Variants in C1orf122 observed in about 807,000 individuals in gnomAD.
C1orf122 encodes the protein uncharacterized protein C1orf122.
In C1orf122, 12 loss-of-function variants were observed where a neutral mutation model predicts 12.9. That is an observed-to-expected ratio of 0.93 (90% CI 0.60 to 1.51). The LOEUF (loss-of-function observed/expected upper bound fraction) is 1.51. Among genes scored for constraint, C1orf122 ranks in the 40% most tolerant of loss-of-function variants. The probability of loss-of-function intolerance (pLI) is 0.00; values close to 1 mark genes in which losing one functional copy is unlikely to be tolerated. For missense variants in C1orf122, 144 were observed against 162.1 expected, an observed-to-expected ratio of 0.89 and a Z score of 0.61; for synonymous variants, 57 against 73.4, an observed-to-expected ratio of 0.78 and a Z score of 1.14.
chr1:37,809,190 C>T lies in C1orf122; in HGVS notation c.*117C>T, dbSNP rs776848768. ...CACTGGCAGTGGCTGGTACTTGGCT[C>T]TCAGCCTGGAGTGGCAGCTCTGCTA... is the stretch of plus-strand genomic sequence containing the variant. On this transcript the variant is annotated 3_prime_UTR_variant, in exon 3 of 3. Coordinates refer to ENST00000373042, the MANE Select transcript of C1orf122 (RefSeq NM_198446.3). 2.2e-5 allele frequency: 27 copies of T among 1,245,812 alleles called. No homozygotes were observed. Among genetic ancestry groups the T allele is most frequent in the South Asian group, 1.6e-4 (13 of 83,244 alleles). The allele number at this position is 1,245,812 out of a possible 1,614,324, so 77.2% of individuals were successfully genotyped here.
rs1646751740 is a variant in C1orf122 at position 37,807,860 on chromosome 1, G to C, written c.-545G>C. On this transcript the variant is annotated 5_prime_UTR_variant, in exon 1 of 3. Coordinates refer to ENST00000373042, the MANE Select transcript of C1orf122 (RefSeq NM_198446.3). ...TGGCCTCGCTGCGACCCTTGAGGCG[G>C]TACACAGCGCGCAGAGCCGCCGAGC... The C allele has an allele frequency of 6.7e-7, 1 of 1,491,324 alleles. No homozygotes were observed. Among genetic ancestry groups the C allele is most frequent in the Non-Finnish European group, 8.9e-7 (1 of 1,123,004 alleles). The allele number at this position is 1,491,324 out of a possible 1,614,324, so 92.4% of individuals were successfully genotyped here.
In C1orf122 at chr1:37,809,356, T is replaced by G; in HGVS notation, c.*283T>G. ...GAGTGGTCTGGCCTGCTATGGGGGA[T>G]CCAGGTGGTGTTACATGTCCATTTC... On this transcript the variant is annotated 3_prime_UTR_variant, in exon 3 of 3. Coordinates refer to ENST00000373042, the MANE Select transcript of C1orf122 (RefSeq NM_198446.3). 2.0e-6 allele frequency: 1 copy of G among 502,508 alleles called. No homozygotes were observed. The highest frequency in any genetic ancestry group is 3.7e-6 in the Non-Finnish European group (1 of 273,802). The allele number at this position is 502,508 out of a possible 1,614,324, so 31.1% of individuals were successfully genotyped here.
Position 37,808,686 on chromosome 1 carries a change from T to C in C1orf122, c.191T>C (p.Met64Thr). The C allele has an allele frequency of 1.4e-6, 2 of 1,428,130 alleles. No homozygotes were observed. The highest frequency in any genetic ancestry group is 1.5e-5 in the South Asian group (1 of 66,076). 88.5% of individuals were successfully genotyped at this position (1,428,130 alleles called of 1,614,324 possible). The change falls in exon 2 of 3, where the codon ATG (methionine) becomes ACG (threonine). Residue 64 changes from methionine (M) to threonine (T), a missense_variant. By Grantham distance (81) the Met-to-Thr change is moderately conservative. Transcript: ENST00000373042. ...GACACCATCGCAGCCTGCGAGGAGA[T>C]GTTACGGCAGCTGGGCCGCCGGCGC... ...LLDTIAACEE[M>T]LRQLGRRRPE...
At chr1:37,808,940 C>G (rs1646765211) in intron 2 of C1orf122, 38 bp from the exon 3 acceptor site, 1 of 1,595,730 alleles carries the variant, frequency 6.3e-7, no homozygotes, top group Non-Finnish European at 8.6e-7. Context: ...CAAGGCCTTG[C>G]CTCCCAGCCT....
chr1:37,809,065 G>A lies in C1orf122; in HGVS notation c.325G>A (p.Glu109Lys). Residue 109 changes from glutamate (E) to lysine (K), a missense_variant, in exon 3 of 3, where the codon GAG becomes AAG. Physicochemically the swap from Glu to Lys is moderately conservative, Grantham distance 56 (BLOSUM62 1). Coordinates refer to ENST00000373042, the MANE Select transcript of C1orf122 (RefSeq NM_198446.3). ...AAAGGATGCTGGCGATGGAGCTGCG[G>A]AGCCCTGACCATCCCCGAGCAGAAT... ...FPKDAGDGAA[E>K]P 6.2e-7 allele frequency: 1 copy of A among 1,614,050 alleles called. No individual in the cohort carries two copies. Among genetic ancestry groups the A allele is most frequent in the Non-Finnish European group, 8.5e-7 (1 of 1,180,018 alleles).
chr1:37,808,093 C>T lies in C1orf122; in HGVS notation c.-312C>T, dbSNP rs1482430210. The T allele has an allele frequency of 1.1e-5, 15 of 1,391,244 alleles. No homozygotes were observed. The highest frequency in any genetic ancestry group is 1.4e-5 in the Non-Finnish European group (15 of 1,076,570). The allele number at this position is 1,391,244 out of a possible 1,614,324, so 86.2% of individuals were successfully genotyped here. On this transcript the variant is annotated 5_prime_UTR_variant, in exon 1 of 3. Transcript: ENST00000373042. Reference sequence around the variant, plus strand: ...GGACTCGGCGGGCGGAAGAGGCGACCGCTCCGGGAGCCAGCAGGCCCCTCG... The same window carrying T: ...GGACTCGGCGGGCGGAAGAGGCGACTGCTCCGGGAGCCAGCAGGCCCCTCG...
intron 2 of C1orf122, 39 bp downstream of exon 2, chr1:37,808,771 G>C: frequency 6.9e-7 from 1 of 1,457,984 alleles, no homozygotes; most frequent in African/African-American, 1.4e-5. Context: ...GTGGGGTGGG[G>C]TCTGCCCACT....
At position 37,808,215 on chromosome 1, in the gene C1orf122, C is replaced by A; in HGVS notation, c.-190C>A. The A allele has an allele frequency of 1.4e-6, 2 of 1,404,364 alleles. No individual in the cohort carries two copies. Among genetic ancestry groups the A allele is most frequent in the Non-Finnish European group, 1.8e-6 (2 of 1,083,458 alleles). The allele number at this position is 1,404,364 out of a possible 1,614,324, so 87.0% of individuals were successfully genotyped here. A position where few individuals can be genotyped will look rare whatever the true frequency, so the allele number is the denominator to read the frequency against. On this transcript the variant is annotated 5_prime_UTR_variant, in exon 1 of 3. Coordinates refer to ENST00000373042, the MANE Select transcript of C1orf122 (RefSeq NM_198446.3). ...CCCGCTTCCGGGAGGAAGTGACGCT[C>A]CCAGCCAGCTTCCGGTCCAGGAGAC... is the stretch of plus-strand genomic sequence containing the variant.
rs777301103 is a variant in C1orf122, at chr1:37,809,242, C to T, written c.*169C>T. 3 of 847,248 alleles carry T rather than the reference C, an allele frequency of 3.5e-6. No individual in the cohort carries two copies. The highest frequency in any genetic ancestry group is 6.2e-6 in the Non-Finnish European group (3 of 482,678). The allele number at this position is 847,248 out of a possible 1,614,324, so 52.5% of individuals were successfully genotyped here. A position where few individuals can be genotyped will look rare whatever the true frequency, so the allele number is the denominator to read the frequency against. On this transcript the variant is annotated 3_prime_UTR_variant, in exon 3 of 3. Transcript: ENST00000373042. ...CAGCTGGGTTCACTCCCACTTCATC[C>T]TGGCTGAAAGCAGTGCTGTGCTTTG...
In C1orf122 at chr1:37,808,706, C is replaced by G. The variant is rs1023994705; in HGVS notation, c.211C>G (p.Arg71Gly). ...CEEMLRQLGRRRPEPAGGGNV... is the reference protein window; with the variant it reads ...CEEMLRQLGRGRPEPAGGGNV... ...GGAGATGTTACGGCAGCTGGGCCGC[C>G]GGCGCCCGGAGCCGGCTGGTGGCGG... The change falls in exon 2 of 3, where the codon CGG becomes GGG. Residue 71 changes from arginine (R) to glycine (G), a missense_variant. Transcript: ENST00000373042. 3 of 1,425,884 alleles carry G rather than the reference C, an allele frequency of 2.1e-6. No homozygotes were observed. Among genetic ancestry groups the G allele is most frequent in the Non-Finnish European group, 2.7e-6 (3 of 1,102,422 alleles). The allele number at this position is 1,425,884 out of a possible 1,614,324, so 88.3% of individuals were successfully genotyped here. A position where few individuals can be genotyped will look rare whatever the true frequency, so the allele number is the denominator to read the frequency against.
chr1:37,808,654 G>A lies in C1orf122; in HGVS notation c.159G>A (p.Gln53=). 1.5e-6 allele frequency: 2 copies of A among 1,349,646 alleles called. No individual in the cohort carries two copies. The highest frequency in any genetic ancestry group is 3.9e-5 in the Admixed American group (1 of 25,532). The allele number at this position is 1,349,646 out of a possible 1,614,324, so 83.6% of individuals were successfully genotyped here. A position where few individuals can be genotyped will look rare whatever the true frequency, so the allele number is the denominator to read the frequency against. ...ACGCGGTGGAGCAGCGGCAGCGGCA[G>A]CTCCTGGACACCATCGCAGCCTGCG... is the stretch of plus-strand genomic sequence containing the variant. ...LLDAVEQRQR[Q]LLDTIAACEE... The change falls in exon 2 of 3, where the codon CAG becomes CAA. Residue 53 remains glutamine, a synonymous_variant. Coordinates refer to ENST00000373042, the MANE Select transcript of C1orf122 (RefSeq NM_198446.3).
rs1282297270 is a variant in C1orf122 at position 37,808,353 on chromosome 1, T to C, written c.-52T>C. The C allele has an allele frequency of 2.5e-6, 3 of 1,211,604 alleles. No homozygotes were observed. The highest frequency in any genetic ancestry group is 6.7e-5 in the East Asian group (2 of 29,784). The allele number at this position is 1,211,604 out of a possible 1,614,324, so 75.1% of individuals were successfully genotyped here. ...GCCTTGCGAAGCCCTAACGCAGCGC[T>C]GGGGAGGGGGGCGGCCGAAAGGGGG... On this transcript the variant is annotated 5_prime_UTR_variant, in exon 1 of 3. Coordinates refer to ENST00000373042, the MANE Select transcript of C1orf122 (RefSeq NM_198446.3).
chr1:37,809,257 G>A lies in C1orf122; in HGVS notation c.*184G>A. The A allele has an allele frequency of 1.2e-6, 1 of 806,604 alleles. No homozygotes were observed. The highest frequency in any genetic ancestry group is 1.4e-5 in the South Asian group (1 of 73,268). The allele number at this position is 806,604 out of a possible 1,614,324, so 50.0% of individuals were successfully genotyped here. ...CCACTTCATCCTGGCTGAAAGCAGT[G>A]CTGTGCTTTGAAATGCAGCCAATGA... On this transcript the variant is annotated 3_prime_UTR_variant, in exon 3 of 3. Coordinates refer to ENST00000373042, the MANE Select transcript of C1orf122 (RefSeq NM_198446.3).
Position 37,809,425 on chromosome 1 carries a change from C to T in C1orf122, c.*352C>T, listed in dbSNP as rs1446969350. ...GCCCCACAAAACACCTTCAGTAGAG[C>T]CTTGATTAAAAGGAAACCTGCAGAC... On this transcript the variant is annotated 3_prime_UTR_variant, in exon 3 of 3. Transcript: ENST00000373042. The T allele has an allele frequency of 3.1e-6, 1 of 324,766 alleles. No individual in the cohort carries two copies. Among genetic ancestry groups the T allele is most frequent in the Non-Finnish European group, 5.9e-6 (1 of 168,474 alleles). 20.1% of individuals were successfully genotyped at this position (324,766 alleles called of 1,614,324 possible). A position where few individuals can be genotyped will look rare whatever the true frequency, so the allele number is the denominator to read the frequency against.
At position 37,807,950 on chromosome 1, in the gene C1orf122, C is replaced by T; in HGVS notation, c.-455C>T. 1 of 1,229,146 alleles carries T rather than the reference C, an allele frequency of 8.1e-7. No homozygotes were observed. The highest frequency in any genetic ancestry group is 1.0e-6 in the Non-Finnish European group (1 of 986,012). The allele number at this position is 1,229,146 out of a possible 1,614,324, so 76.1% of individuals were successfully genotyped here. The stretch of plus-strand genomic sequence containing the variant: ...GGACGGCCACCACGGCGCCGGCGCG[C>T]AGCTCGGCCACGGCGGCCCGCAGCG... On this transcript the variant is annotated 5_prime_UTR_variant, in exon 1 of 3. Transcript: ENST00000373042.
rs574275043 is a variant in C1orf122, at chr1:37,807,883, A to G, written c.-522A>G. 2.7e-6 allele frequency: 4 copies of G among 1,456,964 alleles called. No homozygotes were observed. The Admixed American group carries it at 6.8e-5, about 25-fold the overall frequency. 90.3% of individuals were successfully genotyped at this position (1,456,964 alleles called of 1,614,324 possible). A position where few individuals can be genotyped will look rare whatever the true frequency, so the allele number is the denominator to read the frequency against. On this transcript the variant is annotated 5_prime_UTR_variant, in exon 1 of 3. Transcript: ENST00000373042. ...CGGTACACAGCGCGCAGAGCCGCCG[A>G]GCAGCTCGCCGCGCAGGCCAGGCCG...
chr1:37,808,216 C>G lies in C1orf122; in HGVS notation c.-189C>G. 7.1e-7 allele frequency: 1 copy of G among 1,404,204 alleles called. No individual in the cohort carries two copies. The highest frequency in any genetic ancestry group is 9.2e-7 in the Non-Finnish European group (1 of 1,083,290). 87.0% of individuals were successfully genotyped at this position (1,404,204 alleles called of 1,614,324 possible). ...CCGCTTCCGGGAGGAAGTGACGCTC[C>G]CAGCCAGCTTCCGGTCCAGGAGACT... On this transcript the variant is annotated 5_prime_UTR_variant, in exon 1 of 3. Coordinates refer to ENST00000373042, the MANE Select transcript of C1orf122 (RefSeq NM_198446.3).
In C1orf122 at chr1:37,809,322, T is replaced by A; in HGVS notation, c.*249T>A. 1 of 597,888 alleles carries A rather than the reference T, an allele frequency of 1.7e-6. No individual in the cohort carries two copies. The highest frequency in any genetic ancestry group is 3.1e-6 in the Non-Finnish European group (1 of 324,614). The allele number at this position is 597,888 out of a possible 1,614,324, so 37.0% of individuals were successfully genotyped here. On this transcript the variant is annotated 3_prime_UTR_variant, in exon 3 of 3. Transcript: ENST00000373042. ...TACCCAGATTTGGGCAGACCAGCAG[T>A]GCTCGCCAGAGTGGTCTGGCCTGCT...
chr1:37,808,655 C>T lies in C1orf122; in HGVS notation c.160C>T (p.Leu54Phe). ...LDAVEQRQRQLLDTIAACEEM... is the reference protein window; with the variant it reads ...LDAVEQRQRQFLDTIAACEEM... ...CGCGGTGGAGCAGCGGCAGCGGCAG[C>T]TCCTGGACACCATCGCAGCCTGCGA... Residue 54 changes from leucine to phenylalanine, a missense_variant, in exon 2 of 3, where the codon CTC (leucine) becomes TTC (phenylalanine). Coordinates refer to ENST00000373042, the MANE Select transcript of C1orf122 (RefSeq NM_198446.3). The T allele has an allele frequency of 1.4e-6, 2 of 1,383,794 alleles. No homozygotes were observed. Among genetic ancestry groups the T allele is most frequent in the Non-Finnish European group, 1.9e-6 (2 of 1,077,156 alleles). 85.7% of individuals were successfully genotyped at this position (1,383,794 alleles called of 1,614,324 possible).
Sources: allele counts gnomAD v4.1 joint callset, GRCh38; gene constraint gnomAD v4.1.1; transcripts MANE v1.5; gene names NCBI Gene and HGNC (gene_info 2026-07-23, HGNC 2026-07-21).